Variants in ARHGAP10 observed in about 807,000 individuals in gnomAD.
ARHGAP10 encodes Rho GTPase activating protein 10, also known as rho GTPase-activating protein 10.
In ARHGAP10, 87 loss-of-function variants were observed where a neutral mutation model predicts 108.6. The observed-to-expected ratio is 0.80, with a 90% confidence interval of 0.67 to 0.96. The LOEUF is 0.96. ARHGAP10 is among the 40% of genes least tolerant of loss of function. ARHGAP10 has a pLI of 0.00. For synonymous variants in ARHGAP10, 347 were observed against 341.1 expected (o/e 1.02, Z -0.19); for missense variants, 939 against 954.5 (o/e 0.98, Z 0.21).
chr4:147,854,766 G>C, intron 4 of ARHGAP10: 1 of 984,994 alleles, frequency 1.0e-6, no homozygotes, highest in South Asian at 4.7e-5. Flanking sequence ...TGCGTTTTAA[G>C]ATTCAGAAAC....
intron 18 of ARHGAP10, among the ~76,000 whole-genome samples, chr4:148,007,062 G>A (rs10003349): frequency 0.58 from 87,668 of 152,018 alleles, 25,599 homozygotes; most frequent in East Asian, 0.69. Context: ...GGGAGTTAGC[G>A]CACTTCAAGG....
chr4:147,804,794 G>A (rs764148461), intron 1 of ARHGAP10, among the ~76,000 whole-genome samples: 4 of 152,034 alleles, frequency 2.6e-5, no homozygotes, highest in Non-Finnish European at 5.9e-5. Flanking sequence ...CTTTTGAAAA[G>A]TTCTTGTCCT....
In ARHGAP10 at chr4:147,732,291, C is replaced by T; in HGVS notation, c.-11C>T. On this transcript the variant is annotated 5_prime_UTR_variant, in exon 1 of 23. Coordinates refer to ENST00000336498, the MANE Select transcript of ARHGAP10 (RefSeq NM_024605.4). Reference sequence around the variant, plus strand: ...CGCGGCCGTGCGCACCGCGCAGCGACCGCTGCCGTCATGGGGCTGCAGCCC... The same window carrying T: ...CGCGGCCGTGCGCACCGCGCAGCGATCGCTGCCGTCATGGGGCTGCAGCCC... The T allele has an allele frequency of 6.2e-7, 1 of 1,601,170 alleles. No individual in the cohort carries two copies. Among genetic ancestry groups the T allele is most frequent in the East Asian group, 2.3e-5 (1 of 43,944 alleles).
intron 5 of ARHGAP10, among the ~76,000 whole-genome samples, chr4:147,859,693 A>G (rs570291948): frequency 6.6e-6 from 1 of 152,346 alleles, no homozygotes; most frequent in Admixed American, 6.5e-5. Context: ...TTCTATCTTC[A>G]GTTCCTAGAA....
Position 147,906,682 on chromosome 4 carries a change from GGAA to G in ARHGAP10, c.1081_1083del (p.Lys361del), listed in dbSNP as rs752989314. 6.2e-7 allele frequency: 1 copy of G among 1,614,166 alleles called. No homozygotes were observed. Among genetic ancestry groups the G allele is most frequent in the South Asian group, 1.1e-5 (1 of 91,080 alleles). On this transcript the variant is annotated inframe_deletion, in exon 11 of 23. Coordinates refer to ENST00000336498, the MANE Select transcript of ARHGAP10 (RefSeq NM_024605.4). ...ATGCAGGCATTTTCCGAAGAGGAAAGGAAGCAGTGGTTGGAAGCTCTGGGTGGA... is the reference window on the plus strand; with the variant it reads ...ATGCAGGCATTTTCCGAAGAGGAAAGGCAGTGGTTGGAAGCTCTGGGTGGA...
Position 147,879,260 on chromosome 4 carries a change from C to A in ARHGAP10, c.861C>A (p.Val287=). 2 of 1,613,954 alleles carry A rather than the reference C, an allele frequency of 1.2e-6. No homozygotes were observed. Among genetic ancestry groups the A allele is most frequent in the South Asian group, 2.2e-5 (2 of 91,054 alleles). Residue 287 remains valine, a synonymous_variant, in exon 9 of 23, where the codon GTC becomes GTA. Coordinates refer to ENST00000336498, the MANE Select transcript of ARHGAP10 (RefSeq NM_024605.4). The part of the protein sequence containing the change: ...KRPAPFGSSW[V]KHYCMYRKAA... ...CTGCTCCGTTTGGTTCCAGTTGGGT[C>A]AAACACTATTGCATGTATCGAAAAG...
At chr4:147,885,943 T>G (rs1159408649) in intron 10 of ARHGAP10, among the ~76,000 whole-genome samples, 1 of 152,232 alleles carries the variant, frequency 6.6e-6, no homozygotes, top group Non-Finnish European at 1.5e-5. Context: ...GCAAAAATTT[T>G]TTAGCACTGG....
chr4:147,958,897 T>A (rs1208137034), intron 16 of ARHGAP10, among the ~76,000 whole-genome samples: 2 of 152,194 alleles, frequency 1.3e-5, no homozygotes, highest in Non-Finnish European at 2.9e-5. Context: ...TACAGTGTGG[T>A]AGATGCTGAT....
intron 10 of ARHGAP10, among the ~76,000 whole-genome samples, chr4:147,900,001 AT>A (rs1173289436): frequency 6.6e-5 from 10 of 152,094 alleles, no homozygotes; most frequent in African/African-American, 2.4e-4. Context: ...TCTGTTTACA[AT>A]AATGTCTCCT....
rs111777276 is a variant in ARHGAP10 at position 147,792,357 on chromosome 4, A to C, written c.155-30370A>C. Among the ~76,000 whole-genome samples the C allele has an allele frequency of 8.4e-3, 1,281 of 152,308 alleles. 19 individuals are homozygous for C. Among genetic ancestry groups the C allele is most frequent in the East Asian group, 0.036 (186 of 5,194 alleles). ...TTTTCTTTTTGAGCTGCCTATTTAT[A>C]ACATGTCCTCTTCCTTCCCTCCTTC... On this transcript the variant is annotated intron_variant, in intron 1 of 22. Coordinates refer to ENST00000336498, the MANE Select transcript of ARHGAP10 (RefSeq NM_024605.4).
At chr4:147,747,003 T>C (rs375284957) in intron 1 of ARHGAP10, among the ~76,000 whole-genome samples, 2 of 152,174 alleles carry the variant, frequency 1.3e-5, no homozygotes, top group African/African-American at 4.8e-5. Context: ...GGCATACAGA[T>C]GTTAAGCTGA....
intron 18 of ARHGAP10, among the ~76,000 whole-genome samples, chr4:148,014,941 T>C (rs1301217146): frequency 6.6e-6 from 1 of 152,230 alleles, no homozygotes; most frequent in Non-Finnish European, 1.5e-5. Flanking sequence ...TAGTTTTAGT[T>C]GTAAACCTAA....
At chr4:147,741,792 GCACACACACACACACACA>G (rs112095776) in intron 1 of ARHGAP10, among the ~76,000 whole-genome samples, 2,280 of 57,666 alleles carry the variant, frequency 0.04, 55 homozygotes, top group African/African-American at 0.072. Flanking sequence ...ACACACACAC[GCACACACACACACACACA>G]CACACACACA....
chr4:147,999,926 G>GT (rs11298127), intron 18 of ARHGAP10, among the ~76,000 whole-genome samples: 450 of 143,300 alleles, frequency 3.1e-3, no homozygotes, highest in Middle Eastern at 7.2e-3. Flanking sequence ...TATTAACAGT[G>GT]TTTTTTTTTT....
intron 7 of ARHGAP10, among the ~76,000 whole-genome samples, chr4:147,869,977 A>G (rs1020174927): frequency 2.7e-5 from 4 of 148,198 alleles, no homozygotes; most frequent in Non-Finnish European, 5.9e-5. Flanking sequence ...AAAACAACAT[A>G]TTGTTGAAAA....
chr4:147,778,121 T>G (rs1039727917), intron 1 of ARHGAP10, among the ~76,000 whole-genome samples: 1 of 152,128 alleles, frequency 6.6e-6, no homozygotes, highest in African/African-American at 2.4e-5. Flanking sequence ...CTGCTAGAAG[T>G]GTCGGTTTAG....
chr4:147,741,112 C>T lies in ARHGAP10; in HGVS notation c.154+8657C>T, dbSNP rs531173702. Among the ~76,000 whole-genome samples, 10 of 152,222 alleles carry T rather than the reference C, an allele frequency of 6.6e-5. No homozygotes were observed. In the South Asian group the frequency reaches 1.0e-3, roughly 16 times the overall value. ...TTCAACCTTTTTTTCCTACAAGTGACATTTAAAAGGACTTTGTTAATTGAT... is the reference window on the plus strand; with the variant it reads ...TTCAACCTTTTTTTCCTACAAGTGATATTTAAAAGGACTTTGTTAATTGAT... On this transcript the variant is annotated intron_variant, in intron 1 of 22. Coordinates refer to ENST00000336498, the MANE Select transcript of ARHGAP10 (RefSeq NM_024605.4).
At chr4:147,965,294 T>C (rs1168991959) in intron 17 of ARHGAP10, among the ~76,000 whole-genome samples, 165 bp downstream of exon 17, 4 of 152,202 alleles carry the variant, frequency 2.6e-5, no homozygotes, top group African/African-American at 9.6e-5. Context: ...TATGCTTTCA[T>C]GAAGCTGTAT....
At position 148,063,285 on chromosome 4, in the gene ARHGAP10, A is replaced by G. The variant is rs1729705887; in HGVS notation, c.2165A>G (p.Asp722Gly). 2 of 1,614,056 alleles carry G rather than the reference A, an allele frequency of 1.2e-6. No individual in the cohort carries two copies. The highest frequency in any genetic ancestry group is 2.7e-5 in the African/African-American group (2 of 74,988). Residue 722 changes from aspartate (D) to glycine (G), a missense_variant, in exon 21 of 23, where the codon GAC (aspartate) becomes GGC (glycine). By Grantham distance (94) the Asp-to-Gly change is moderately conservative. Coordinates refer to ENST00000336498, the MANE Select transcript of ARHGAP10 (RefSeq NM_024605.4). Reference protein sequence around the residue: ...FPFSPPATVADKPPESIRSRK... With the variant: ...FPFSPPATVAGKPPESIRSRK... ...TTTTCTCCTCCTGCTACTGTAGCGGACAAGCCACCTGAAAGGTACGTGGTT... is the reference window on the plus strand; with the variant it reads ...TTTTCTCCTCCTGCTACTGTAGCGGGCAAGCCACCTGAAAGGTACGTGGTT...
Sources: allele counts gnomAD v4.1 joint callset (sites outside exome capture counted in the v4.1 genomes callset), GRCh38; gene constraint gnomAD v4.1.1; transcripts MANE v1.5; gene names NCBI Gene and HGNC (gene_info 2026-07-23, HGNC 2026-07-21).